S100A13: variants seen among roughly 807,000 people sequenced by gnomAD.
The protein encoded by S100A13 is protein S100-A13.
Under a neutral mutation model 8.2 loss-of-function variants are expected in S100A13, and 6 were observed. That is an observed-to-expected ratio of 0.73 (90% CI 0.40 to 1.44). The LOEUF is 1.44. Among genes scored for constraint, S100A13 ranks in the 40% most tolerant of loss-of-function variants. The pLI, the probability that S100A13 is intolerant of heterozygous loss-of-function variation, is 0.02. For synonymous variants in S100A13, 39 were observed against 45.9 expected, an observed-to-expected ratio of 0.85 and a Z score of 0.61; for missense variants, 114 against 113.6, an observed-to-expected ratio of 1.00 and a Z score of -0.02.
At chr1:153,620,394 GA>G (rs1462571416) in intron 2 of S100A13, among the ~76,000 whole-genome samples, 1 of 151,396 alleles carries the variant, frequency 6.6e-6, no homozygotes, top group Non-Finnish European at 1.5e-5. Context: ...GTGGGAGGCA[GA>G]GGCTGTAGTG....
upstream of S100A13, chr1:153,627,961 A>G (rs1308416524): frequency 2.1e-6 from 3 of 1,412,784 alleles, no homozygotes; most frequent in Non-Finnish European, 2.9e-6. Context: ...CCACACACAG[A>G]GGGGGATCCA....
intron 1 of S100A13, 170 bp from the exon 2 acceptor site, chr1:153,626,703 G>C: frequency 2.1e-6 from 1 of 471,832 alleles, no homozygotes; most frequent in Non-Finnish European, 3.8e-6. Flanking sequence ...CCAGGCAACG[G>C]CATCTCAGTT....
Position 153,627,504 on chromosome 1 carries a change from G to C in S100A13, c.-83C>G, listed in dbSNP as rs558709399. 6.5e-6 allele frequency: 1 copy of C among 152,810 alleles called. No individual in the cohort carries two copies. The highest frequency in any genetic ancestry group is 2.4e-5 in the African/African-American group (1 of 41,568). The allele number at this position is 152,810 out of a possible 1,614,324, so 9.5% of individuals were successfully genotyped here. A position where few individuals can be genotyped will look rare whatever the true frequency, so the allele number is the denominator to read the frequency against. ...TCACCCGGCAAGGAGATGGGGTAGA[G>C]TGAGCTGGAGCCTCAGGGCTGAGGT... On this transcript the variant is annotated 5_prime_UTR_variant, in exon 1 of 3. Coordinates refer to ENST00000476133, the MANE Select transcript of S100A13 (RefSeq NM_001024211.2).
intron 2 of S100A13, among the ~76,000 whole-genome samples, chr1:153,621,938 C>A (rs1249403248): frequency 6.6e-6 from 1 of 152,028 alleles, no homozygotes; most frequent in Non-Finnish European, 1.5e-5. Flanking sequence ...AAAAAGATAT[C>A]ATTTTCACAT....
At chr1:153,623,170 G>A (rs181139914) in intron 2 of S100A13, among the ~76,000 whole-genome samples, 148 of 152,290 alleles carry the variant, frequency 9.7e-4, no homozygotes, top group African/African-American at 3.3e-3. Context: ...ACAAGAAAGA[G>A]AGGAGTAATT....
intron 2 of S100A13, among the ~76,000 whole-genome samples, chr1:153,619,380 C>T (rs1667092567): frequency 6.6e-6 from 1 of 152,238 alleles, no homozygotes; most frequent in Non-Finnish European, 1.5e-5. Flanking sequence ...ACCACTGCAG[C>T]TGCTGTGGGA....
upstream of S100A13, chr1:153,631,117 T>C: frequency 3.3e-6 from 1 of 303,478 alleles, no homozygotes; most frequent in South Asian, 5.8e-5. Context: ...GGTAACTGAA[T>C]GAACAAAAGC....
upstream of S100A13, chr1:153,631,419 TAGAC>T (rs1668001019): frequency 6.7e-7 from 1 of 1,488,026 alleles, no homozygotes; most frequent in Non-Finnish European, 9.1e-7. Context: ...AGAATTAAAT[TAGAC>T]AGTGCTTGTA....
Position 153,618,914 on chromosome 1 carries a change from A to G in S100A13, c.278T>C (p.Leu93Pro). 1 of 1,613,988 alleles carries G rather than the reference A, an allele frequency of 6.2e-7. No individual in the cohort carries two copies. The highest frequency in any genetic ancestry group is 8.5e-7 in the Non-Finnish European group (1 of 1,179,982). ...GCGGCTTTACTTCTTCCTGATCTTC[A>G]GGTCTTTCTTCTTCCTGATTTCCTT... is the stretch of plus-strand genomic sequence containing the variant. ...LAKEIRKKKD[L>P]KIRKK The change falls in exon 3 of 3, where the codon CTG becomes CCG. Residue 93 changes from leucine (L) to proline (P), a missense_variant. Leu to Pro is a moderately conservative substitution (Grantham distance 98, BLOSUM62 -3). Coordinates refer to ENST00000476133, the MANE Select transcript of S100A13 (RefSeq NM_001024211.2).
upstream of S100A13, chr1:153,633,936 G>C (rs762661017): frequency 6.6e-6 from 1 of 152,258 alleles, no homozygotes; most frequent in Non-Finnish European, 1.5e-5. Context: ...CCCCGCCTTC[G>C]CCCTAAGGCT....
chr1:153,619,217 C>A (rs563663234), intron 2 of S100A13, among the ~76,000 whole-genome samples, 179 bp from the exon 3 acceptor site: 1 of 152,194 alleles, frequency 6.6e-6, no homozygotes, highest in African/African-American at 2.4e-5. Context: ...GGGTGCCTCT[C>A]CAAGGAGCAC....
At chr1:153,630,811 T>C, upstream of S100A13, 1 of 1,044,062 alleles carries the variant, frequency 9.6e-7, no homozygotes, top group Non-Finnish European at 1.4e-6. Context: ...TTTTCCAGGC[T>C]CCCCTACTCC....
At chr1:153,633,129 C>A (rs1412364792), upstream of S100A13, 1 of 151,906 alleles carries the variant, frequency 6.6e-6, no homozygotes, top group Non-Finnish European at 1.5e-5. Context: ...CCACTGCACT[C>A]CAGTCTGGGT....
upstream of S100A13, among the ~76,000 whole-genome samples, chr1:153,633,390 CT>C (rs1668143609): frequency 6.6e-6 from 1 of 152,094 alleles, no homozygotes. Flanking sequence ...AGAGAAATCC[CT>C]ATGTAGGTCT....
chr1:153,630,151 A>G (rs1482067146), upstream of S100A13: 7 of 382,058 alleles, frequency 1.8e-5, no homozygotes, highest in Non-Finnish European at 3.3e-5. Context: ...AGCATGGCCC[A>G]GTCCTGTGAC....
At chr1:153,628,295 C>T (rs1451011251), upstream of S100A13, 1 of 1,513,470 alleles carries the variant, frequency 6.6e-7, no homozygotes, top group East Asian at 2.5e-5. Context: ...CCGCCTGTTC[C>T]AGCCCAGGAG....
At chr1:153,628,501 G>A (rs1441118194), upstream of S100A13, 5 of 1,550,726 alleles carry the variant, frequency 3.2e-6, no homozygotes, top group East Asian at 2.4e-5. Flanking sequence ...CCAACCGTGA[G>A]TACCCTGCCC....
chr1:153,626,290 A>T, intron 2 of S100A13, 30 bp downstream of exon 2: 1 of 1,605,634 alleles, frequency 6.2e-7, no homozygotes, highest in Non-Finnish European at 8.5e-7. Context: ...TCATCATCTC[A>T]CAAAATCTCA....
chr1:153,631,324 T>A, upstream of S100A13: 1 of 824,306 alleles, frequency 1.2e-6, no homozygotes, highest in Non-Finnish European at 1.9e-6. Flanking sequence ...TGTGGGACTT[T>A]GGGCATATTT....
Sources: gnomAD v4.1 joint callset for allele counts (sites outside exome capture counted in the v4.1 genomes callset) on GRCh38, gnomAD v4.1.1 for gene constraint, MANE v1.5 for transcripts, NCBI Gene and HGNC (gene_info 2026-07-23, HGNC 2026-07-21) for gene names.